DCT: variants seen among roughly 807,000 people sequenced by gnomAD.
DCT encodes L-dopachrome tautomerase.
In DCT, 47 loss-of-function variants were observed where a neutral mutation model predicts 53.0. The ratio of observed to expected loss-of-function variants is 0.89; its 90% CI spans 0.70 to 1.13. The LOEUF (loss-of-function observed/expected upper bound fraction) is 1.13. Among genes scored for constraint, DCT ranks in the 50% most tolerant of loss-of-function variants. The probability of loss-of-function intolerance (pLI) is 0.00; values close to 1 mark genes in which losing one functional copy is unlikely to be tolerated. For missense variants in DCT, 669 were observed against 637.4 expected (o/e 1.05, Z -0.53); for synonymous variants, 244 against 237.0 (o/e 1.03, Z -0.27).
At chr13:94,520,269 T>C in the DCT span, among the ~76,000 whole-genome samples, 12,408 of 152,232 alleles carry the variant, frequency 0.082, 1,110 homozygotes, top group African/African-American at 0.22. Flanking sequence ...TTAGCCAAAA[T>C]AGTTCCTCTA....
chr13:94,547,962 CAAAAAA>C, the DCT span, among the ~76,000 whole-genome samples: 1 of 67,936 alleles, frequency 1.5e-5, no homozygotes, highest in African/African-American at 1.3e-4. Flanking sequence ...AACTCCGTCT[CAAAAAA>C]AAAAAAAAAA....
intron 6 of DCT, chr13:94,445,798 T>C: frequency 6.8e-7 from 1 of 1,467,912 alleles, no homozygotes; most frequent in Non-Finnish European, 9.3e-7. Flanking sequence ...ATTTTGTTTG[T>C]AGTTCTTACA....
chr13:94,472,562 ATATATATTTTTTTTTTT>A, intron 1 of DCT, among the ~76,000 whole-genome samples: 1 of 19,074 alleles, frequency 5.2e-5, no homozygotes, highest in Non-Finnish European at 8.5e-5. Flanking sequence ...ATATATATAT[ATATATATTTTTTTTTTT>A]TTTTTTTTTT....
chr13:94,464,364 G>A (rs1344377540), intron 4 of DCT, among the ~76,000 whole-genome samples: 3 of 152,228 alleles, frequency 2.0e-5, no homozygotes, highest in African/African-American at 7.2e-5. Context: ...TTGAGGCCGG[G>A]TGAGGTGGCT....
chr13:94,447,635 A>T (rs1882818569), intron 6 of DCT, among the ~76,000 whole-genome samples: 1 of 152,226 alleles, frequency 6.6e-6, no homozygotes. Context: ...TTAACAATGC[A>T]GAAAGAGGAT....
At chr13:94,526,837 A>T in the DCT span, among the ~76,000 whole-genome samples, 1 of 152,084 alleles carries the variant, frequency 6.6e-6, no homozygotes. Flanking sequence ...CCCAGGAAAC[A>T]CCAGGGGTCT....
At chr13:94,504,220 A>G in the DCT span, among the ~76,000 whole-genome samples, 1 of 152,244 alleles carries the variant, frequency 6.6e-6, no homozygotes, top group African/African-American at 2.4e-5. Flanking sequence ...CTAATTTTCA[A>G]TGCTTCAATA....
the DCT span, among the ~76,000 whole-genome samples, chr13:94,496,963 A>G: frequency 6.6e-6 from 1 of 152,194 alleles, no homozygotes; most frequent in Admixed American, 6.5e-5. Context: ...ACACGTTAAG[A>G]GTTGAACTAA....
chr13:94,508,780 C>T, the DCT span, among the ~76,000 whole-genome samples: 1 of 152,166 alleles, frequency 6.6e-6, no homozygotes, highest in East Asian at 1.9e-4. Flanking sequence ...CACTTTCTAA[C>T]CAGATAGTCC....
the DCT span, among the ~76,000 whole-genome samples, chr13:94,538,349 T>C: frequency 6.6e-6 from 1 of 152,232 alleles, no homozygotes; most frequent in South Asian, 2.1e-4. Flanking sequence ...AAAGAAGAGT[T>C]ACGGAACTTC....
At chr13:94,513,815 C>T in the DCT span, among the ~76,000 whole-genome samples, 2 of 151,932 alleles carry the variant, frequency 1.3e-5, no homozygotes, top group East Asian at 1.9e-4. Context: ...GGTGAAATCT[C>T]GTCTCTGCTA....
intron 6 of DCT, among the ~76,000 whole-genome samples, chr13:94,446,151 A>G (rs1354187587): frequency 5.3e-5 from 8 of 152,230 alleles, no homozygotes; most frequent in Non-Finnish European, 1.0e-4. Flanking sequence ...CTGATGATCC[A>G]GGATCACAGA....
chr13:94,455,246 G>T (rs190607419), intron 6 of DCT, among the ~76,000 whole-genome samples: 3 of 152,234 alleles, frequency 2.0e-5, no homozygotes, highest in African/African-American at 7.2e-5. Flanking sequence ...GCTGAGCATG[G>T]TGGTATGTGG....
chr13:94,465,971 TATATATA>T (rs1566840473), intron 3 of DCT, among the ~76,000 whole-genome samples, 172 bp from the exon 4 acceptor site: 2 of 2,590 alleles, frequency 7.7e-4, no homozygotes, highest in Non-Finnish European at 1.8e-3. Context: ...GTATATTTTA[TATATATA>T]TATATATATA....
the DCT span, among the ~76,000 whole-genome samples, chr13:94,513,359 G>A: frequency 1.3e-5 from 2 of 152,184 alleles, no homozygotes; most frequent in African/African-American, 4.8e-5. Context: ...GTGCTTTGTA[G>A]AGCACAAGAA....
rs563183595 is a variant in DCT, at chr13:94,445,884, T to TG, written c.1180-2248dup. ...ATTCCTGGAGGCAGGGGAGAAACTGTGGGGGGGCGGGGTGAAATGGGAAGA... is the reference window on the plus strand; with the variant it reads ...ATTCCTGGAGGCAGGGGAGAAACTGTGGGGGGGGCGGGGTGAAATGGGAAGA... On this transcript the variant is annotated intron_variant, in intron 6 of 7. Coordinates refer to ENST00000377028, the MANE Select transcript of DCT (RefSeq NM_001922.5). 827 of 620,082 alleles carry TG rather than the reference T, an allele frequency of 1.3e-3. 8 individuals are homozygous for TG. Among genetic ancestry groups the TG allele is most frequent in the African/African-American group, 0.011 (590 of 54,036 alleles). 38.4% of individuals were successfully genotyped at this position (620,082 alleles called of 1,614,324 possible). A position where few individuals can be genotyped will look rare whatever the true frequency, so the allele number is the denominator to read the frequency against.
At chr13:94,480,064 A>T (rs1594334120), upstream of DCT, among the ~76,000 whole-genome samples, 2 of 152,170 alleles carry the variant, frequency 1.3e-5, no homozygotes, top group South Asian at 4.1e-4. Flanking sequence ...ATGCAACTTC[A>T]AAAATAAAGA....
At chr13:94,475,669 C>T (rs1345137125) in intron 1 of DCT, among the ~76,000 whole-genome samples, 1 of 152,170 alleles carries the variant, frequency 6.6e-6, no homozygotes, top group Non-Finnish European at 1.5e-5. Context: ...CTCATGTTAA[C>T]TGTTCTTACC....
the DCT span, among the ~76,000 whole-genome samples, chr13:94,534,705 G>A: frequency 0.062 from 9,403 of 152,288 alleles, 543 homozygotes; most frequent in African/African-American, 0.15. Flanking sequence ...CCCTGGGCAG[G>A]GAGTGAGATC....
Sources: allele counts gnomAD v4.1 joint callset (sites outside exome capture counted in the v4.1 genomes callset), GRCh38; gene constraint gnomAD v4.1.1; transcripts MANE v1.5; gene names NCBI Gene and HGNC (gene_info 2026-07-23, HGNC 2026-07-21).